The following MBD5 variants were observed in gnomAD, a reference collection of about 807,000 sequenced individuals.
The protein encoded by MBD5 is methyl-CpG binding domain protein 5.
MBD5 carries 13 observed loss-of-function variants against 117.3 expected under a neutral mutation model. The ratio of observed to expected loss-of-function variants is 0.11; its 90% CI spans 0.07 to 0.18. The LOEUF (loss-of-function observed/expected upper bound fraction) is 0.18. Ranked by LOEUF, MBD5 falls within the 10% of genes least tolerant of loss-of-function variation. The probability of loss-of-function intolerance (pLI) is 1.00; values close to 1 mark genes in which losing one functional copy is unlikely to be tolerated. For synonymous variants in MBD5, 727 were observed against 766.4 expected, an observed-to-expected ratio of 0.95 and a Z score of 0.85; for missense variants, 1,879 against 2,093.8, an observed-to-expected ratio of 0.90 and a Z score of 2.00.
intron 1 of MBD5, among the ~76,000 whole-genome samples, chr2:148,138,829 G>T (rs946372920): frequency 6.6e-6 from 1 of 152,096 alleles, no homozygotes; most frequent in Non-Finnish European, 1.5e-5. Flanking sequence ...AGAAAGAACC[G>T]CTAAAACATT....
chr2:148,468,712 T>G lies in MBD5; in HGVS notation c.769T>G (p.Phe257Val). The G allele has an allele frequency of 1.2e-6, 2 of 1,613,922 alleles. No homozygotes were observed. Among genetic ancestry groups the G allele is most frequent in the Non-Finnish European group, 8.5e-7 (1 of 1,179,910 alleles). The change falls in exon 8 of 14, where the codon TTT becomes GTT. Residue 257 changes from phenylalanine (F) to valine (V), a missense_variant. Coordinates refer to ENST00000642680, the MANE Select transcript of MBD5 (RefSeq NM_001378120.1). ...PDVFTRSNPGFHGAPNSSPIH... is the reference protein window; with the variant it reads ...PDVFTRSNPGVHGAPNSSPIH... ...TGTTTTCACAAGAAGTAATCCTGGT[T>G]TTCATGGAGCTCCCAATTCTAGTCC...
At chr2:148,048,533 A>G (rs949502159) in intron 1 of MBD5, among the ~76,000 whole-genome samples, 1 of 152,108 alleles carries the variant, frequency 6.6e-6, no homozygotes, top group Non-Finnish European at 1.5e-5. Context: ...CGCCAAATCT[A>G]TTTTTGGACA....
intron 3 of MBD5, among the ~76,000 whole-genome samples, chr2:148,326,258 A>T (rs1246033253): frequency 6.6e-6 from 1 of 152,148 alleles, no homozygotes; most frequent in African/African-American, 2.4e-5. Flanking sequence ...ACTTCCAAGT[A>T]TGTGGTAAAT....
chr2:148,358,259 G>T (rs922670442), intron 4 of MBD5, among the ~76,000 whole-genome samples: 2 of 152,074 alleles, frequency 1.3e-5, no homozygotes, highest in African/African-American at 4.8e-5. Context: ...TCCTGATAAA[G>T]CTTGAGTTAT....
intron 1 of MBD5, among the ~76,000 whole-genome samples, chr2:148,052,971 A>G (rs1234121334): frequency 6.8e-6 from 1 of 147,136 alleles, no homozygotes; most frequent in East Asian, 2.1e-4. Context: ...TCAAAAAAAA[A>G]AAAAAAAAAA....
At chr2:148,491,024 C>T (rs377648295) in intron 11 of MBD5, among the ~76,000 whole-genome samples, 7 of 152,274 alleles carry the variant, frequency 4.6e-5, no homozygotes, top group South Asian at 4.1e-4. Context: ...CGCCAGGGGA[C>T]GGCATCTCCT....
intron 4 of MBD5, among the ~76,000 whole-genome samples, chr2:148,449,657 T>C (rs1213969020): frequency 6.6e-6 from 1 of 152,010 alleles, no homozygotes; most frequent in African/African-American, 2.4e-5. Flanking sequence ...TAATTTTTAT[T>C]TGCAGTATGT....
chr2:148,254,195 T>C (rs78711956), intron 3 of MBD5, among the ~76,000 whole-genome samples: 19,272 of 152,262 alleles, frequency 0.13, 1,480 homozygotes, highest in Non-Finnish European at 0.18. Context: ...GGCTCTTGAC[T>C]GCCTTAATCT....
At chr2:148,262,451 G>A (rs543347950) in intron 3 of MBD5, among the ~76,000 whole-genome samples, 1 of 152,068 alleles carries the variant, frequency 6.6e-6, no homozygotes, top group East Asian at 1.9e-4. Flanking sequence ...TATAATATTA[G>A]CATACATTTA....
Position 148,490,088 on chromosome 2 carries a change from A to C in MBD5, c.4456A>C (p.Asn1486His). Reference sequence around the variant, plus strand: ...GCACCCAATACTGTTACCACCAAGAAACTGTCCAGGGGATAAAATTCTAGA... The same window carrying C: ...GCACCCAATACTGTTACCACCAAGACACTGTCCAGGGGATAAAATTCTAGA... ...EQHPILLPPRNCPGDKILEEN... is the reference protein window; with the variant it reads ...EQHPILLPPRHCPGDKILEEN... Residue 1486 changes from asparagine (N) to histidine (H), a missense_variant, in exon 11 of 14, where the codon AAC becomes CAC. Asn to His is a moderately conservative substitution (Grantham distance 68). Transcript: ENST00000642680. 1 of 1,614,122 alleles carries C rather than the reference A, an allele frequency of 6.2e-7. No homozygotes were observed. The highest frequency in any genetic ancestry group is 1.3e-5 in the African/African-American group (1 of 75,020).
At chr2:148,077,430 G>T (rs1001322561) in intron 1 of MBD5, among the ~76,000 whole-genome samples, 6 of 152,114 alleles carry the variant, frequency 3.9e-5, no homozygotes, top group Non-Finnish European at 7.4e-5. Context: ...TTTGGAACAG[G>T]AATTATAGCA....
Position 148,021,609 on chromosome 2 carries a change from A to T in MBD5, c.-1000A>T. 2.3e-6 allele frequency: 1 copy of T among 425,624 alleles called. No homozygotes were observed. 26.4% of individuals were successfully genotyped at this position (425,624 alleles called of 1,614,324 possible). ...CTCCTCCTTCGCCTCCTCCTCCTCC[A>T]CTCCCCCCCTTTATTACCCTTTGTG... On this transcript the variant is annotated 5_prime_UTR_variant, in exon 1 of 14. Coordinates refer to ENST00000642680, the MANE Select transcript of MBD5 (RefSeq NM_001378120.1).
intron 3 of MBD5, among the ~76,000 whole-genome samples, chr2:148,316,715 A>G (rs1457764035): frequency 6.6e-6 from 1 of 152,234 alleles, no homozygotes; most frequent in Non-Finnish European, 1.5e-5. Context: ...GGATGAACAA[A>G]TTAAAAAAAT....
intron 12 of MBD5, among the ~76,000 whole-genome samples, chr2:148,508,502 G>A (rs1000687244): frequency 3.3e-5 from 5 of 151,820 alleles, no homozygotes; most frequent in African/African-American, 1.2e-4. Context: ...ACCAGGATAG[G>A]TAACAGGGAA....
At chr2:148,208,993 C>G (rs1218619861) in intron 2 of MBD5, among the ~76,000 whole-genome samples, 2 of 151,992 alleles carry the variant, frequency 1.3e-5, no homozygotes, top group African/African-American at 4.8e-5. Context: ...TACATTTTTT[C>G]AAATCCAAAT....
At chr2:148,141,370 A>G (rs1160723353) in intron 1 of MBD5, among the ~76,000 whole-genome samples, 2 of 152,106 alleles carry the variant, frequency 1.3e-5, no homozygotes, top group Admixed American at 1.3e-4. Flanking sequence ...AATAAACTCC[A>G]CTAGTTGACA....
intron 4 of MBD5, among the ~76,000 whole-genome samples, chr2:148,378,019 G>A (rs1345802228): frequency 2.0e-5 from 3 of 152,098 alleles, no homozygotes; most frequent in East Asian, 1.9e-4. Flanking sequence ...TAGCTATTAT[G>A]TAGCTAAGAT....
intron 1 of MBD5, among the ~76,000 whole-genome samples, chr2:148,092,612 C>T (rs1324424294): frequency 1.3e-5 from 2 of 152,038 alleles, no homozygotes; most frequent in Non-Finnish European, 2.9e-5. Context: ...GGGAGCTAAG[C>T]TATTAGAATG....
chr2:148,494,778 G>C (rs1681646570), intron 11 of MBD5, among the ~76,000 whole-genome samples: 1 of 152,192 alleles, frequency 6.6e-6, no homozygotes, highest in South Asian at 2.1e-4. Flanking sequence ...TGGCTGACAC[G>C]GTGAAACCCC....
Sources: allele counts gnomAD v4.1 joint callset (sites outside exome capture counted in the v4.1 genomes callset), GRCh38; gene constraint gnomAD v4.1.1; transcripts MANE v1.5; gene names NCBI Gene and HGNC (gene_info 2026-07-23, HGNC 2026-07-21).